The following RRP12 variants were observed in gnomAD, a reference collection of about 807,000 sequenced individuals.
The protein encoded by RRP12 is RRP12-like protein.
Under a neutral mutation model 157.3 loss-of-function variants are expected in RRP12, and 78 were observed. The observed-to-expected ratio is 0.50, with a 90% CI of 0.41 to 0.60. The LOEUF is 0.60. Among genes scored for constraint, RRP12 ranks in the 20% least tolerant of loss-of-function variants. RRP12 has a pLI of 0.00. For missense variants in RRP12, 1,521 were observed against 1,679.9 expected (o/e 0.91, Z 1.65); for synonymous variants, 726 against 670.9 (o/e 1.08, Z -1.27).
chr10:97,400,582 G>T (rs1845117102), intron 1 of RRP12, 48 bp from the exon 2 acceptor site: 3 of 1,510,008 alleles, frequency 2.0e-6, no homozygotes, highest in South Asian at 1.1e-5. Context: ...TTTTGGTCAA[G>T]AGAACAGAAC....
intron 10 of RRP12, 71 bp downstream of exon 10, chr10:97,385,095 G>T: frequency 3.7e-6 from 2 of 544,290 alleles, no homozygotes; most frequent in Non-Finnish European, 5.1e-6. Context: ...CGGCAGCCTG[G>T]ACACAGGCCC....
rs762952867 is a variant in RRP12 at position 97,372,087 on chromosome 10, G to A, written c.2329C>T (p.Arg777Trp). The change falls in exon 20 of 34, where the codon CGG becomes TGG. Residue 777 changes from arginine (R) to tryptophan (W), a missense_variant. Arg to Trp is a moderately radical substitution (Grantham distance 101). Transcript: ENST00000370992. Reference sequence around the variant, plus strand: ...CCGAGGCTCACCTCTAGGTAGGGCCGGATGGTGGAGTATAGCTTACTGATG... The same window carrying A: ...CCGAGGCTCACCTCTAGGTAGGGCCAGATGGTGGAGTATAGCTTACTGATG... ...AAISKLYSTI[R>W]PYLESKAHGV... is the part of the protein sequence containing the mutation. 33 of 1,612,944 alleles carry A rather than the reference G, an allele frequency of 2.0e-5. No homozygotes were observed. The highest frequency in any genetic ancestry group is 2.0e-4 in the Admixed American group (12 of 59,972).
At chr10:97,392,735 G>T (rs531615919) in intron 4 of RRP12, among the ~76,000 whole-genome samples, 7 of 150,596 alleles carry the variant, frequency 4.6e-5, no homozygotes, top group African/African-American at 1.7e-4. Context: ...CTGTTGACAG[G>T]GCTGTAAGTG....
chr10:97,372,961 C>G, intron 18 of RRP12, 85 bp downstream of exon 18: 1 of 1,487,870 alleles, frequency 6.7e-7, no homozygotes, highest in East Asian at 2.5e-5. Context: ...CCCACGTGAG[C>G]CCTGGTGGGT....
intron 13 of RRP12, 101 bp from the exon 14 acceptor site, chr10:97,379,871 T>C (rs1167700672): frequency 3.4e-6 from 4 of 1,170,886 alleles, no homozygotes; most frequent in Non-Finnish European, 4.8e-6. Flanking sequence ...GGGCCTGGGT[T>C]CAACGCTACA....
intron 8 of RRP12, chr10:97,388,029 C>T (rs1844687700): frequency 3.6e-6 from 2 of 554,058 alleles, no homozygotes; most frequent in South Asian, 2.2e-5. Context: ...TACAGATCCA[C>T]CCTGACTCTG....
At chr10:97,360,686 G>GT (rs879315616) in intron 30 of RRP12, 68 bp from the exon 31 acceptor site, 13 of 1,172,430 alleles carry the variant, frequency 1.1e-5, no homozygotes, top group Admixed American at 1.7e-5. Flanking sequence ...AATGCCAACA[G>GT]TAACAGCAGA....
At chr10:97,383,964 C>G (rs1191365040) in intron 10 of RRP12, among the ~76,000 whole-genome samples, 1 of 152,186 alleles carries the variant, frequency 6.6e-6, no homozygotes, top group Non-Finnish European at 1.5e-5. Flanking sequence ...CACTGTCCTA[C>G]CCCGTGCCTC....
Position 97,370,668 on chromosome 10 carries a change from A to G in RRP12, c.2583+48T>C, listed in dbSNP as rs757355037. Reference sequence around the variant, plus strand: ...CCCTCCCTGGATCCTGAGGCCCTTAAGAGCCACATTCCAGGGACCCCCCTC... The same window carrying G: ...CCCTCCCTGGATCCTGAGGCCCTTAGGAGCCACATTCCAGGGACCCCCCTC... On this transcript the variant is annotated intron_variant, in intron 22 of 33. Transcript: ENST00000370992. The G allele has an allele frequency of 1.0e-5, 16 of 1,604,902 alleles. No homozygotes were observed. In the African/African-American group the frequency reaches 1.6e-4, roughly 16 times the overall value.
At position 97,388,257 on chromosome 10, in the gene RRP12, G is replaced by A. The variant is rs1267867410; in HGVS notation, c.1012C>T (p.His338Tyr). 1.2e-6 allele frequency: 2 copies of A among 1,613,988 alleles called. No individual in the cohort carries two copies. The highest frequency in any genetic ancestry group is 4.5e-5 in the East Asian group (2 of 44,884). ...GCTTTTGGGCCTGAGCTCACCACATGGCTCAAGGTCATGACCCTGAGGAGA... is the reference window on the plus strand; with the variant it reads ...GCTTTTGGGCCTGAGCTCACCACATAGCTCAAGGTCATGACCCTGAGGAGA... Reference protein sequence around the residue: ...ETLLRVMTLSHVLVTACAMQA... With the variant: ...ETLLRVMTLSYVLVTACAMQA... The change falls in exon 8 of 34, where the codon CAT becomes TAT. Residue 338 changes from histidine to tyrosine, a missense_variant. By Grantham distance (83) the His-to-Tyr change is moderately conservative. Transcript: ENST00000370992.
rs1190872809 is a variant in RRP12 at position 97,369,444 on chromosome 10, G to T, written c.2936C>A (p.Ala979Asp). ...AVTVMDVAHL[A>D]KHVQLVMEAI... ...ACTCACCACCAGCTGCACATGTTTG[G>T]CCAGGTGCGCCACGTCCATGACAGT... The change falls in exon 25 of 34, where the codon GCC becomes GAC. Residue 979 changes from alanine to aspartate, a missense_variant. Coordinates refer to ENST00000370992, the MANE Select transcript of RRP12 (RefSeq NM_015179.4). 1.2e-6 allele frequency: 2 copies of T among 1,612,216 alleles called. No homozygotes were observed. Among genetic ancestry groups the T allele is most frequent in the South Asian group, 2.2e-5 (2 of 90,530 alleles).
Position 97,366,783 on chromosome 10 carries a change from CTCT to C in RRP12, c.3171_3173del (p.Glu1064del), listed in dbSNP as rs1445120817. 9 of 1,611,974 alleles carry C rather than the reference CTCT, an allele frequency of 5.6e-6. No individual in the cohort carries two copies. The highest frequency in any genetic ancestry group is 1.3e-5 in the African/African-American group (1 of 74,972). ...GGGCGGGCTCCTCCTCCTCCTCCTC[CTCT>C]TCTTCCTCCTCCACGGCAGCCTGGC... is the stretch of plus-strand genomic sequence containing the variant. On this transcript the variant is annotated inframe_deletion, in exon 27 of 34. Transcript: ENST00000370992.
chr10:97,363,186 G>C (rs1364864942), intron 30 of RRP12, among the ~76,000 whole-genome samples: 1 of 152,196 alleles, frequency 6.6e-6, no homozygotes, highest in Non-Finnish European at 1.5e-5. Context: ...AGGGCAGAGA[G>C]GGAAGAAACT....
chr10:97,367,745 T>C (rs186589691), intron 25 of RRP12, among the ~76,000 whole-genome samples: 3 of 152,116 alleles, frequency 2.0e-5, no homozygotes, highest in East Asian at 1.9e-4. Context: ...CTACTCCTTT[T>C]TTTTGAGATG....
intron 30 of RRP12, 72 bp downstream of exon 30, chr10:97,363,782 G>T (rs1843902790): frequency 1.5e-6 from 2 of 1,320,356 alleles, no homozygotes; most frequent in Non-Finnish European, 2.2e-6. Flanking sequence ...TCTACGTGTG[G>T]TGGGGGTGAG....
rs547972049 is a variant in RRP12 at position 97,369,452 on chromosome 10, C to T, written c.2928G>A (p.Ala976=). Reference sequence around the variant, plus strand: ...CCAGCTGCACATGTTTGGCCAGGTGCGCCACGTCCATGACAGTCACTGCCA... The same window carrying T: ...CCAGCTGCACATGTTTGGCCAGGTGTGCCACGTCCATGACAGTCACTGCCA... ...IKVAVTVMDV[A]HLAKHVQLVM... Residue 976 remains alanine (A), a synonymous_variant, in exon 25 of 34, where the codon GCG becomes GCA. Coordinates refer to ENST00000370992, the MANE Select transcript of RRP12 (RefSeq NM_015179.4). 76 of 1,612,314 alleles carry T rather than the reference C, an allele frequency of 4.7e-5. No individual in the cohort carries two copies. In the Middle Eastern group the frequency reaches 3.6e-3, roughly 77 times the overall value.
intron 2 of RRP12, among the ~76,000 whole-genome samples, chr10:97,397,253 C>T (rs983456825): frequency 4.0e-5 from 6 of 150,092 alleles, no homozygotes; most frequent in Admixed American, 2.7e-4. Flanking sequence ...TTCCACCTCC[C>T]GGGTTCAAGC....
chr10:97,369,481 T>C lies in RRP12; in HGVS notation c.2899A>G (p.Lys967Glu). Residue 967 changes from lysine (K) to glutamate (E), a missense_variant, in exon 25 of 34, where the codon AAG (lysine) becomes GAG (glutamate). By Grantham distance (56) the Lys-to-Glu change is moderately conservative. Coordinates refer to ENST00000370992, the MANE Select transcript of RRP12 (RefSeq NM_015179.4). Reference protein sequence around the residue: ...DVVKSALGFIKVAVTVMDVAH... With the variant: ...DVVKSALGFIEVAVTVMDVAH... ...ACGTCCATGACAGTCACTGCCACCT[T>C]GATGAAGCCCAGTGCAGACTTGACC... The C allele has an allele frequency of 6.2e-7, 1 of 1,611,450 alleles. No individual in the cohort carries two copies.
chr10:97,374,965 G>A (rs904846674), intron 15 of RRP12, among the ~76,000 whole-genome samples: 1 of 152,016 alleles, frequency 6.6e-6, no homozygotes, highest in East Asian at 1.9e-4. Flanking sequence ...GCAGACCCTG[G>A]GAAATTAAAC....
Sources: gnomAD v4.1 joint callset for allele counts (sites outside exome capture counted in the v4.1 genomes callset) on GRCh38, gnomAD v4.1.1 for gene constraint, MANE v1.5 for transcripts, NCBI Gene and HGNC (gene_info 2026-07-23, HGNC 2026-07-21) for gene names.